TUSC3: variants seen among roughly 807,000 people sequenced by gnomAD.
TUSC3 encodes dolichyl-diphosphooligosaccharide--protein glycosyltransferase subunit TUSC3.
Under a neutral mutation model 44.8 loss-of-function variants are expected in TUSC3, and 45 were observed. The ratio of observed to expected loss-of-function variants is 1.00; its 90% CI spans 0.79 to 1.29. The LOEUF is 1.29. Ranked by LOEUF, TUSC3 falls within the 50% of genes most tolerant of loss-of-function variation. The probability of loss-of-function intolerance (pLI) is 0.00; values close to 1 mark genes in which losing one functional copy is unlikely to be tolerated. For synonymous variants in TUSC3, 212 were observed against 152.9 expected, an observed-to-expected ratio of 1.39 and a Z score of -2.85; for missense variants, 519 against 437.9, an observed-to-expected ratio of 1.19 and a Z score of -1.65.
chr8:15,549,680 C>T (rs1225249156), intron 1 of TUSC3, among the ~76,000 whole-genome samples: 1 of 151,364 alleles, frequency 6.6e-6, no homozygotes, highest in African/African-American at 2.4e-5. Flanking sequence ...GCTGATTGGT[C>T]CATGTTTTTT....
At chr8:15,480,583 A>G (rs1365705947) in intron 1 of TUSC3, among the ~76,000 whole-genome samples, 1 of 152,206 alleles carries the variant, frequency 6.6e-6, no homozygotes, top group Admixed American at 6.5e-5. Flanking sequence ...TGTAAAAATT[A>G]TATAGCCATG....
In TUSC3 at chr8:15,540,644, CGTGT is replaced by C; in HGVS notation, c.138+77_138+80del. 4 of 1,440,952 alleles carry C rather than the reference CGTGT, an allele frequency of 2.8e-6. No homozygotes were observed. In the South Asian group the frequency reaches 4.4e-5, roughly 16 times the overall value. 89.3% of individuals were successfully genotyped at this position (1,440,952 alleles called of 1,614,324 possible). ...GGGCCGCGTTGCCAGGCAGCCCTGC[CGTGT>C]TGCTAGGCAGCCTGGTCGCCGGCGT... On this transcript the variant is annotated intron_variant, in intron 1 of 10. Transcript: ENST00000503731.
At chr8:15,479,914 C>T (rs989296585) in intron 1 of TUSC3, among the ~76,000 whole-genome samples, 5 of 152,100 alleles carry the variant, frequency 3.3e-5, no homozygotes, top group African/African-American at 1.2e-4. Context: ...ATAGTCTCAG[C>T]CTAAAAGCTT....
At chr8:15,425,945 G>A (rs1006707475) in intron 1 of TUSC3, among the ~76,000 whole-genome samples, 2 of 152,186 alleles carry the variant, frequency 1.3e-5, no homozygotes, top group African/African-American at 4.8e-5. Context: ...GAGCCCAGGA[G>A]TTCAAGGCTG....
intron 2 of TUSC3, among the ~76,000 whole-genome samples, chr8:15,511,929 T>C (rs949557378): frequency 6.6e-6 from 1 of 152,020 alleles, no homozygotes; most frequent in African/African-American, 2.4e-5. Context: ...ATTACAAAGA[T>C]ATCAATTGAT....
chr8:15,507,937 A>C (rs1184488890), intron 2 of TUSC3, among the ~76,000 whole-genome samples: 1 of 152,172 alleles, frequency 6.6e-6, no homozygotes. Context: ...AAATAACGAA[A>C]GATGAGTCAA....
intron 2 of TUSC3, among the ~76,000 whole-genome samples, chr8:15,522,541 CTT>C (rs78939124): frequency 1.1e-4 from 15 of 141,340 alleles, no homozygotes; most frequent in East Asian, 2.1e-4. Context: ...CCTATTCAGC[CTT>C]TTTTTTTTTT....
At chr8:15,770,061 G>C (rs1812414079), downstream of TUSC3, among the ~76,000 whole-genome samples, 1 of 152,132 alleles carries the variant, frequency 6.6e-6, no homozygotes, top group African/African-American at 2.4e-5. Context: ...TCCCATTACT[G>C]GGTATATACA....
intron 2 of TUSC3, among the ~76,000 whole-genome samples, chr8:15,484,201 C>T (rs1336171997): frequency 6.6e-6 from 1 of 152,090 alleles, no homozygotes; most frequent in East Asian, 1.9e-4. Flanking sequence ...TATTTACATG[C>T]ACTTATGCAA....
intron 2 of TUSC3, among the ~76,000 whole-genome samples, chr8:15,492,824 A>G (rs17611616): frequency 0.11 from 16,559 of 152,086 alleles, 983 homozygotes; most frequent in South Asian, 0.23. Context: ...AACAATATCC[A>G]TATGAGTTTT....
At chr8:15,479,476 G>C (rs988610720) in intron 1 of TUSC3, among the ~76,000 whole-genome samples, 1 of 152,102 alleles carries the variant, frequency 6.6e-6, no homozygotes, top group African/African-American at 2.4e-5. Flanking sequence ...TGAAAGGAAG[G>C]GTTTGAGTTT....
the TUSC3 span, among the ~76,000 whole-genome samples, chr8:15,819,798 G>A: frequency 1.3e-5 from 2 of 152,154 alleles, no homozygotes; most frequent in African/African-American, 2.4e-5. Flanking sequence ...CTCACAATGT[G>A]GGCATTCTAG....
At chr8:15,826,840 G>T in the TUSC3 span, among the ~76,000 whole-genome samples, 1 of 152,122 alleles carries the variant, frequency 6.6e-6, no homozygotes, top group Admixed American at 6.6e-5. Flanking sequence ...CTAGGAGGGG[G>T]CATCTTATGT....
intron 7 of TUSC3, chr8:15,733,355 T>G (rs1412074447): frequency 2.7e-5 from 11 of 406,358 alleles, no homozygotes; most frequent in African/African-American, 1.5e-4. Flanking sequence ...CTTTTTGTTT[T>G]TTTTTTTTTC....
At chr8:15,603,081 A>G (rs902737934) in intron 1 of TUSC3, among the ~76,000 whole-genome samples, 1 of 151,618 alleles carries the variant, frequency 6.6e-6, no homozygotes, top group African/African-American at 2.4e-5. Flanking sequence ...GTAAATTGAT[A>G]TGTCAAGTCC....
At chr8:15,485,105 G>A (rs916504200) in intron 2 of TUSC3, among the ~76,000 whole-genome samples, 8 of 152,132 alleles carry the variant, frequency 5.3e-5, no homozygotes, top group Admixed American at 2.0e-4. Flanking sequence ...TTCCTTGAAA[G>A]TGAAGTTTTT....
At chr8:15,447,870 A>G (rs1800127410) in intron 1 of TUSC3, among the ~76,000 whole-genome samples, 2 of 151,782 alleles carry the variant, frequency 1.3e-5, no homozygotes, top group Admixed American at 1.3e-4. Context: ...TCGTATTTAT[A>G]TATCACAACG....
At chr8:15,722,164 A>G (rs1297040157) in intron 6 of TUSC3, among the ~76,000 whole-genome samples, 1 of 151,412 alleles carries the variant, frequency 6.6e-6, no homozygotes, top group African/African-American at 2.4e-5. Flanking sequence ...TTGTTGGCTG[A>G]CTTTCTACGG....
At chr8:15,473,971 C>G (rs957414354) in intron 1 of TUSC3, among the ~76,000 whole-genome samples, 1 of 152,060 alleles carries the variant, frequency 6.6e-6, no homozygotes, top group Non-Finnish European at 1.5e-5. Context: ...GAGACCAGGG[C>G]GTATTTTGGT....
Sources: allele counts gnomAD v4.1 joint callset (sites outside exome capture counted in the v4.1 genomes callset), GRCh38; gene constraint gnomAD v4.1.1; transcripts MANE v1.5; gene names NCBI Gene and HGNC (gene_info 2026-07-23, HGNC 2026-07-21).